ZNF695: variants seen among roughly 807,000 people sequenced by gnomAD.
The protein encoded by ZNF695 is zinc finger protein 695.
ZNF695 carries 11 observed loss-of-function variants against 11.2 expected under a neutral mutation model. The observed-to-expected ratio is 0.98, with a 90% confidence interval of 0.62 to 1.62. ZNF695 has a LOEUF of 1.62. Among genes scored for constraint, ZNF695 ranks in the 40% most tolerant of loss-of-function variants. ZNF695 has a pLI of 0.00. For missense variants in ZNF695, 559 were observed against 590.5 expected, an observed-to-expected ratio of 0.95 and a Z score of 0.55; for synonymous variants, 190 against 201.4, an observed-to-expected ratio of 0.94 and a Z score of 0.48.
chr1:246,972,660 C>G lies in ZNF695; in HGVS notation c.391-4868G>C, dbSNP rs539502049. Reference sequence around the variant, plus strand: ...TCAGCCTCCCAAGTAGCTGGGATTACAGACACCTGCCACCACGCCCAGCTA... The same window carrying G: ...TCAGCCTCCCAAGTAGCTGGGATTAGAGACACCTGCCACCACGCCCAGCTA... On this transcript the variant is annotated intron_variant, in intron 4 of 5. Coordinates refer to the ZNF695 transcript ENST00000487338. 4.6e-5 allele frequency among the ~76,000 whole-genome samples: 7 copies of G among 152,088 alleles called. No individual in the cohort carries two copies. The South Asian group carries it at 1.5e-3, about 32-fold the overall frequency.
intron 1 of ZNF695, among the ~76,000 whole-genome samples, chr1:247,006,021 C>A (rs764962284): frequency 6.6e-6 from 1 of 151,488 alleles, no homozygotes; most frequent in Non-Finnish European, 1.5e-5. Flanking sequence ...GTCAGGAGAT[C>A]GAGATCATCC....
chr1:247,004,304 T>C (rs1341433138), intron 1 of ZNF695, among the ~76,000 whole-genome samples: 4 of 152,066 alleles, frequency 2.6e-5, no homozygotes, highest in African/African-American at 7.2e-5. Flanking sequence ...AATCAACCCA[T>C]GTAACACATC....
intron 1 of ZNF695, among the ~76,000 whole-genome samples, chr1:247,002,792 A>AG (rs535223876): frequency 0.015 from 2,252 of 150,908 alleles, 60 homozygotes; most frequent in African/African-American, 0.05. Flanking sequence ...CAAAAAAAAA[A>AG]GGGGGGGGCA....
At chr1:246,965,755 G>A (rs1198228131) in intron 5 of ZNF695, among the ~76,000 whole-genome samples, 3 of 151,716 alleles carry the variant, frequency 2.0e-5, no homozygotes, top group East Asian at 1.9e-4. Flanking sequence ...TGCAAAAAAC[G>A]AAGAAAGAAA....
intron 5 of ZNF695, among the ~76,000 whole-genome samples, chr1:246,954,731 TC>T: frequency 6.6e-6 from 1 of 152,312 alleles, no homozygotes; most frequent in South Asian, 2.1e-4. Context: ...CACTTCCAGC[TC>T]GAAACTCTGA....
At chr1:246,963,516 A>G (rs1440697016) in intron 5 of ZNF695, among the ~76,000 whole-genome samples, 1 of 152,190 alleles carries the variant, frequency 6.6e-6, no homozygotes, top group Admixed American at 6.5e-5. Context: ...GAGGGGAGGA[A>G]CAATGAAGCG....
intron 3 of ZNF695, among the ~76,000 whole-genome samples, chr1:246,990,061 G>A (rs377669304): frequency 5.3e-5 from 8 of 149,858 alleles, no homozygotes; most frequent in African/African-American, 1.2e-4. Flanking sequence ...AGAGATGAAC[G>A]AGGGGAAAGG....
chr1:247,005,320 G>C (rs967781872), intron 1 of ZNF695, among the ~76,000 whole-genome samples: 2 of 152,180 alleles, frequency 1.3e-5, no homozygotes. Flanking sequence ...GAGGCACCAA[G>C]AACATACTTT....
Position 247,007,948 on chromosome 1 carries a change from C to A in ZNF695, c.-40G>T. The A allele has an allele frequency of 1.3e-6, 2 of 1,489,204 alleles. No homozygotes were observed. Among genetic ancestry groups the A allele is most frequent in the Admixed American group, 2.0e-5 (1 of 51,082 alleles). 92.2% of individuals were successfully genotyped at this position (1,489,204 alleles called of 1,614,324 possible). On this transcript the variant is annotated 5_prime_UTR_variant, in exon 1 of 4. Transcript: ENST00000339986. ...GGGTCCCAGCGTCCTCCCTATAAAT[C>A]TCGCAATACCTGCAGGCCACAGGGC...
chr1:246,992,583 G>A (rs915381230), intron 3 of ZNF695, among the ~76,000 whole-genome samples: 1 of 152,188 alleles, frequency 6.6e-6, no homozygotes, highest in East Asian at 1.9e-4. Flanking sequence ...ATAAATGCTT[G>A]AGGGAATGGA....
intron 4 of ZNF695, among the ~76,000 whole-genome samples, chr1:246,970,064 T>C (rs1448444048): frequency 3.9e-5 from 6 of 152,190 alleles, no homozygotes; most frequent in African/African-American, 1.4e-4. Flanking sequence ...TAAAATCCTT[T>C]CCAGTATTGC....
intron 5 of ZNF695, among the ~76,000 whole-genome samples, chr1:246,946,519 A>G (rs1667739184): frequency 6.6e-6 from 1 of 152,176 alleles, no homozygotes; most frequent in African/African-American, 2.4e-5. Flanking sequence ...GGTTGAAAGG[A>G]GGGGTGATGA....
At position 247,005,202 on chromosome 1, in the gene ZNF695, C is replaced by A. The variant is rs188629893; in HGVS notation, c.3+2704G>T. On this transcript the variant is annotated intron_variant, in intron 1 of 3. Coordinates refer to ENST00000339986, the MANE Select transcript of ZNF695 (RefSeq NM_020394.5). ...TTCAGATTATATTACAGAGCTATAG[C>A]AACAAAAACAGCATGGTACTAGCAT... is the stretch of plus-strand genomic sequence containing the variant. Among the ~76,000 whole-genome samples, 35 of 152,156 alleles carry A rather than the reference C, an allele frequency of 2.3e-4. No individual in the cohort carries two copies. The East Asian group carries it at 6.4e-3, about 28-fold the overall frequency.
At chr1:246,993,592 G>T (rs1558317914) in intron 3 of ZNF695, among the ~76,000 whole-genome samples, 1 of 152,042 alleles carries the variant, frequency 6.6e-6, no homozygotes, top group East Asian at 1.9e-4. Flanking sequence ...CTGAACAAAA[G>T]ATTACAATGT....
At chr1:246,967,105 A>G (rs145982182) in intron 5 of ZNF695, among the ~76,000 whole-genome samples, 79 of 152,048 alleles carry the variant, frequency 5.2e-4, no homozygotes, top group African/African-American at 1.9e-3. Flanking sequence ...TGCCTGGCTA[A>G]TTTTGTATTT....
At chr1:247,007,844 A>C in intron 1 of ZNF695, 62 bp downstream of exon 1, 1 of 1,495,350 alleles carries the variant, frequency 6.7e-7, no homozygotes, top group Non-Finnish European at 9.0e-7. Flanking sequence ...GGTTCCAGCC[A>C]ATTCCAACCG....
At chr1:246,959,587 C>T (rs566920838) in intron 5 of ZNF695, among the ~76,000 whole-genome samples, 8 of 151,438 alleles carry the variant, frequency 5.3e-5, no homozygotes, top group South Asian at 2.1e-4. Context: ...CCACCATACC[C>T]GGCTAATTTT....
At chr1:246,980,465 G>A (rs566573652), downstream of ZNF695, among the ~76,000 whole-genome samples, 24 of 147,816 alleles carry the variant, frequency 1.6e-4, no homozygotes, top group African/African-American at 5.3e-4. Flanking sequence ...CGCTCAGACT[G>A]GAGTGCAGTG....
At position 246,987,552 on chromosome 1, in the gene ZNF695, C is replaced by A; in HGVS notation, c.963G>T (p.Glu321Asp). Residue 321 changes from glutamate (E) to aspartate (D), a missense_variant, in exon 4 of 4, where the codon GAG (glutamate) becomes GAT (aspartate). By Grantham distance (45) the Glu-to-Asp change is conservative (BLOSUM62 2). Coordinates refer to ENST00000339986, the MANE Select transcript of ZNF695 (RefSeq NM_020394.5). ...CACATTCTTCACACTTGTAGGGTTTCTCTCTACTATGAATTCTCTTGTGTT... is the reference window on the plus strand; with the variant it reads ...CACATTCTTCACACTTGTAGGGTTTATCTCTACTATGAATTCTCTTGTGTT... ...LTQHKRIHSR[E>D]KPYKCEECGK... The A allele has an allele frequency of 6.2e-7, 1 of 1,600,216 alleles. No individual in the cohort carries two copies. Among genetic ancestry groups the A allele is most frequent in the Non-Finnish European group, 8.5e-7 (1 of 1,174,442 alleles).
Sources: allele counts gnomAD v4.1 joint callset (sites outside exome capture counted in the v4.1 genomes callset), GRCh38; gene constraint gnomAD v4.1.1; transcripts MANE v1.5; gene names NCBI Gene and HGNC (gene_info 2026-07-23, HGNC 2026-07-21).